ZNF358: variants seen among roughly 807,000 people sequenced by gnomAD.
ZNF358 encodes the protein zinc finger protein 358.
In ZNF358, 1 loss-of-function variant was observed where a neutral mutation model predicts 2.1. The observed-to-expected ratio is 0.49, with a 90% CI of 0.17 to 2.30. The LOEUF (loss-of-function observed/expected upper bound fraction) is 2.30. Among genes scored for constraint, ZNF358 ranks in the 30% most tolerant of loss-of-function variants. The pLI, the probability that ZNF358 is intolerant of heterozygous loss-of-function variation, is 0.26. For synonymous variants in ZNF358, 381 were observed against 359.7 expected (o/e 1.06, Z -0.67); for missense variants, 665 against 806.8 (o/e 0.82, Z 2.13).
rs765397135 is a variant in ZNF358 at position 7,520,383 on chromosome 19, G to C, written c.1141G>C (p.Gly381Arg). The C allele has an allele frequency of 5.6e-6, 9 of 1,612,156 alleles. No homozygotes were observed. In the Admixed American group the frequency reaches 1.0e-4, roughly 18 times the overall value. ...GERPYRCQLC[G>R]KAFGQASSLT... ...GCGTCCCTATCGCTGTCAGCTCTGC[G>C]GGAAGGCCTTCGGCCAGGCCTCCAG... Residue 381 changes from glycine to arginine, a missense_variant, in exon 2 of 2, where the codon GGG (glycine) becomes CGG (arginine). This residue lies in a region of ZNF358 where 210 missense variants were observed against 350.8 expected (regional missense o/e 0.60). Coordinates refer to ENST00000597229, the MANE Select transcript of ZNF358 (RefSeq NM_018083.5). This position sits in a 1 kb window ranked among gnomAD's most constrained non-coding sequence, Gnocchi z 6.0.
intron 1 of ZNF358, among the ~76,000 whole-genome samples, chr19:7,518,577 A>AAGAAAGAAAGAAAG (rs2022390238): frequency 6.9e-6 from 1 of 144,596 alleles, no homozygotes. Context: ...GAAAGAAAGA[A>AAGAAAGAAAGAAAG]AGAAAGAAAG....
rs2022452626 is a variant in ZNF358 at position 7,520,447 on chromosome 19, C to T, written c.1205C>T (p.Ala402Val). The change falls in exon 2 of 2, where the codon GCT becomes GTT. Residue 402 changes from alanine to valine, a missense_variant. This residue lies in a region of ZNF358 where 249 missense variants were observed against 227.6 expected (regional missense o/e 1.09). Coordinates refer to ENST00000597229, the MANE Select transcript of ZNF358 (RefSeq NM_018083.5). The surrounding 1 kb of genome is among the most constrained non-coding windows in gnomAD (Gnocchi z 6.0). ...KHKRVHEGAA[A>V]AAAAAAAAAA... ...AAACGGGTGCATGAGGGTGCAGCCGCTGCTGCAGCTGCCGCGGCCGCTGCA... is the reference window on the plus strand; with the variant it reads ...AAACGGGTGCATGAGGGTGCAGCCGTTGCTGCAGCTGCCGCGGCCGCTGCA... 7.0e-7 allele frequency: 1 copy of T among 1,437,154 alleles called. No individual in the cohort carries two copies. The highest frequency in any genetic ancestry group is 9.2e-7 in the Non-Finnish European group (1 of 1,082,714). 89.0% of individuals were successfully genotyped at this position (1,437,154 alleles called of 1,614,324 possible).
rs574371992 is a variant in ZNF358 at position 7,519,479 on chromosome 19, C to T, written c.237C>T (p.Gly79=). 1.3e-5 allele frequency: 21 copies of T among 1,613,868 alleles called. No homozygotes were observed. The highest frequency in any genetic ancestry group is 3.4e-6 in the Non-Finnish European group (4 of 1,180,018). The part of the protein sequence containing the change: ...EDLDPDAEAP[G]SEPQDPDPMS... The stretch of plus-strand genomic sequence containing the variant: ...TGGACCCCGACGCCGAAGCTCCGGG[C>T]TCGGAACCCCAAGATCCCGACCCCA... Residue 79 remains glycine (G), a synonymous_variant, in exon 2 of 2, where the codon GGC becomes GGT. Transcript: ENST00000597229.
In ZNF358 at chr19:7,519,424, A is replaced by C; in HGVS notation, c.182A>C (p.Tyr61Ser). The stretch of plus-strand genomic sequence containing the variant: ...GTCCCGGAAGACGTGGACCCCAGCT[A>C]TGAAGATCTGGAGCCCGTCTCGGAG... ...NTVPEDVDPS[Y>S]EDLEPVSEDL... Residue 61 changes from tyrosine (Y) to serine (S), a missense_variant, in exon 2 of 2, where the codon TAT (tyrosine) becomes TCT (serine). Tyr to Ser is a moderately radical substitution (Grantham distance 144). Transcript: ENST00000597229. 6.2e-7 allele frequency: 1 copy of C among 1,613,922 alleles called. No individual in the cohort carries two copies. The highest frequency in any genetic ancestry group is 8.5e-7 in the Non-Finnish European group (1 of 1,179,960).
chr19:7,519,725 C>T lies in ZNF358; in HGVS notation c.483C>T (p.Arg161=). 6.4e-7 allele frequency: 1 copy of T among 1,564,652 alleles called. No individual in the cohort carries two copies. Among genetic ancestry groups the T allele is most frequent in the Non-Finnish European group, 8.6e-7 (1 of 1,162,814 alleles). The stretch of plus-strand genomic sequence containing the variant: ...GCCCGGATTGCGGGCGAGCCTTCCG[C>T]CGCAGCTCCGGGCTGAGCCAGCATC... ...FSCPDCGRAF[R]RSSGLSQHRR... is the part of the protein sequence containing the mutation. Residue 161 remains arginine, a synonymous_variant, in exon 2 of 2, where the codon CGC becomes CGT. Coordinates refer to ENST00000597229, the MANE Select transcript of ZNF358 (RefSeq NM_018083.5).
intron 1 of ZNF358, 51 bp from the exon 2 acceptor site, chr19:7,519,154 C>G: frequency 6.6e-7 from 1 of 1,517,266 alleles, no homozygotes. Flanking sequence ...AAAGACACCC[C>G]CGCTCCCACA....
At chr19:7,519,064 CAAAAAAAAAAAA>C (rs397859220) in intron 1 of ZNF358, 129 bp from the exon 2 acceptor site, 6 of 577,522 alleles carry the variant, frequency 1.0e-5, no homozygotes, top group Non-Finnish European at 1.4e-5. Context: ...GACCCCATCT[CAAAAAAAAAAAA>C]AAAAAAAAAA....
rs763706118 is a variant in ZNF358 at position 7,520,601 on chromosome 19, C to T, written c.1359C>T (p.Ser453=). ...VSVLGSGLGL[S]PGTSSGRNPD... ...TGCTCGGCTCTGGCTTGGGCCTCAG[C>T]CCTGGCACCAGCTCTGGCCGCAACC... The change falls in exon 2 of 2, where the codon AGC becomes AGT. Residue 453 remains serine (S), a synonymous_variant. Transcript: ENST00000597229. This position sits in a 1 kb window ranked among gnomAD's most constrained non-coding sequence, Gnocchi z 6.0. The T allele has an allele frequency of 1.4e-6, 2 of 1,438,136 alleles. No homozygotes were observed. Among genetic ancestry groups the T allele is most frequent in the South Asian group, 2.4e-5 (2 of 82,344 alleles). The allele number at this position is 1,438,136 out of a possible 1,614,324, so 89.1% of individuals were successfully genotyped here. A position where few individuals can be genotyped will look rare whatever the true frequency, so the allele number is the denominator to read the frequency against.
Position 7,520,751 on chromosome 19 carries a change from T to A in ZNF358, c.1509T>A (p.Gly503=). 1 of 1,613,980 alleles carries A rather than the reference T, an allele frequency of 6.2e-7. No individual in the cohort carries two copies. Among genetic ancestry groups the A allele is most frequent in the Non-Finnish European group, 8.5e-7 (1 of 1,179,996 alleles). The stretch of plus-strand genomic sequence containing the variant: ...ACCCAAAGGCTGGGCACGACGCTGG[T>A]CCCGACCTTGTGCCCAGCCCAGACC... ...SSDPKAGHDA[G]PDLVPSPDLD... The change falls in exon 2 of 2, where the codon GGT becomes GGA. Residue 503 remains glycine, a synonymous_variant. Transcript: ENST00000597229. This position sits in a 1 kb window ranked among gnomAD's most constrained non-coding sequence, Gnocchi z 6.0.
At chr19:7,517,852 T>C (rs1042260372) in intron 1 of ZNF358, among the ~76,000 whole-genome samples, 20 of 151,748 alleles carry the variant, frequency 1.3e-4, no homozygotes, top group African/African-American at 4.4e-4. Context: ...ATACCTGATG[T>C]TATTTGTTCC....
intron 1 of ZNF358, 77 bp from the exon 2 acceptor site, chr19:7,519,128 C>G (rs763912949): frequency 2.0e-4 from 295 of 1,486,400 alleles, no homozygotes; most frequent in Non-Finnish European, 2.4e-4. Context: ...CGTCTCTCAT[C>G]CCTAACCAGA....
intron 1 of ZNF358, among the ~76,000 whole-genome samples, chr19:7,518,545 A>AAGAAAGAG (rs1555740108): frequency 3.3e-4 from 36 of 109,452 alleles, no homozygotes; most frequent in African/African-American, 1.2e-3. Context: ...GAAAGAAAGA[A>AAGAAAGAG]AGAGAGAGAG....
At position 7,519,884 on chromosome 19, in the gene ZNF358, G is replaced by A; in HGVS notation, c.642G>A (p.Lys214=). 6.5e-7 allele frequency: 1 copy of A among 1,530,400 alleles called. No homozygotes were observed. The highest frequency in any genetic ancestry group is 2.5e-5 in the East Asian group (1 of 40,622). The allele number at this position is 1,530,400 out of a possible 1,614,324, so 94.8% of individuals were successfully genotyped here. ...CGTACCAGTGCGCGGCCTGCGGCAA[G>A]GCCTTCGGCTGGCGCTCCACGCTGC... is the stretch of plus-strand genomic sequence containing the variant. ...ARPYQCAACG[K]AFGWRSTLLK... is the part of the protein sequence containing the mutation. Residue 214 remains lysine, a synonymous_variant, in exon 2 of 2, where the codon AAG becomes AAA. Transcript: ENST00000597229.
rs2022479842 is a variant in ZNF358 at position 7,520,959 on chromosome 19, CGGCATCCTCGGG to C, written c.*14_*25del. Reference sequence around the variant, plus strand: ...GGGGCCTGATGGCTGAAGGAGACGCCGGCATCCTCGGGGGCCTGGGGAAGTTGTGTGTTGTGC... The same window carrying C: ...GGGGCCTGATGGCTGAAGGAGACGCCGGCCTGGGGAAGTTGTGTGTTGTGC... On this transcript the variant is annotated 3_prime_UTR_variant, in exon 2 of 2. Coordinates refer to ENST00000597229, the MANE Select transcript of ZNF358 (RefSeq NM_018083.5). This position sits in a 1 kb window ranked among gnomAD's most constrained non-coding sequence, Gnocchi z 6.0. 6.2e-7 allele frequency: 1 copy of C among 1,609,356 alleles called. No homozygotes were observed. Among genetic ancestry groups the C allele is most frequent in the African/African-American group, 1.3e-5 (1 of 74,858 alleles).
rs1214676315 is a variant in ZNF358, at chr19:7,519,547, T to C, written c.305T>C (p.Val102Ala). The change falls in exon 2 of 2, where the codon GTA becomes GCA. Residue 102 changes from valine to alanine, a missense_variant. This residue lies in a region of ZNF358 where 206 missense variants were observed against 228.4 expected (regional missense o/e 0.90). Coordinates refer to ENST00000597229, the MANE Select transcript of ZNF358 (RefSeq NM_018083.5). The stretch of plus-strand genomic sequence containing the variant: ...CTCGATCCAGATGTGATTGGCCCCG[T>C]ACCCCTGATTCTCGATCCTAACAGC... Reference protein sequence around the residue: ...FDLDPDVIGPVPLILDPNSDT... With the variant: ...FDLDPDVIGPAPLILDPNSDT... 5.6e-6 allele frequency: 9 copies of C among 1,605,122 alleles called. No individual in the cohort carries two copies. The highest frequency in any genetic ancestry group is 1.3e-5 in the African/African-American group (1 of 74,828).
chr19:7,515,892 G>A (rs537108927), upstream of ZNF358, among the ~76,000 whole-genome samples: 1 of 152,166 alleles, frequency 6.6e-6, no homozygotes, highest in African/African-American at 2.4e-5. Context: ...GGGCCACAGA[G>A]GGACTGAGAC....
rs1291327809 is a variant in ZNF358, at chr19:7,516,177, G to C, written c.-111G>C. 1 of 143,662 alleles carries C rather than the reference G, an allele frequency of 7.0e-6. No homozygotes were observed. 8.9% of individuals were successfully genotyped at this position (143,662 alleles called of 1,614,324 possible). On this transcript the variant is annotated 5_prime_UTR_variant, in exon 1 of 2. Coordinates refer to ENST00000597229, the MANE Select transcript of ZNF358 (RefSeq NM_018083.5). This position sits in a 1 kb window ranked among gnomAD's most constrained non-coding sequence, Gnocchi z 5.9. ...CGCCGGCGGGGCTGGCGGGCGGGGGGCTTCCTGCGGGCCCGGGGGGAGCCG... is the reference window on the plus strand; with the variant it reads ...CGCCGGCGGGGCTGGCGGGCGGGGGCCTTCCTGCGGGCCCGGGGGGAGCCG...
Position 7,520,863 on chromosome 19 carries a change from C to A in ZNF358, c.1621C>A (p.Arg541Ser), listed in dbSNP as rs1190991609. 1 of 1,614,132 alleles carries A rather than the reference C, an allele frequency of 6.2e-7. No individual in the cohort carries two copies. The highest frequency in any genetic ancestry group is 1.1e-5 in the South Asian group (1 of 91,074). The change falls in exon 2 of 2, where the codon CGT becomes AGT. Residue 541 changes from arginine (R) to serine (S), a missense_variant. Transcript: ENST00000597229. This position sits in a 1 kb window ranked among gnomAD's most constrained non-coding sequence, Gnocchi z 6.0. ...CTGCCCTGACCCCTGTTCTCCCACTCGTGGCACTGTCAGCCCAGCCCTCCC... is the reference window on the plus strand; with the variant it reads ...CTGCCCTGACCCCTGTTCTCCCACTAGTGGCACTGTCAGCCCAGCCCTCCC... ...VSCPDPCSPT[R>S]GTVSPALPTG...
In ZNF358 at chr19:7,520,741, A is replaced by G. The variant is rs1204261870; in HGVS notation, c.1499A>G (p.His500Arg). The G allele has an allele frequency of 3.1e-6, 5 of 1,613,898 alleles. No individual in the cohort carries two copies. Among genetic ancestry groups the G allele is most frequent in the Non-Finnish European group, 4.2e-6 (5 of 1,179,986 alleles). Reference protein sequence around the residue: ...PVESSDPKAGHDAGPDLVPSP... With the variant: ...PVESSDPKAGRDAGPDLVPSP... Reference sequence around the variant, plus strand: ...GAATCTTCTGACCCAAAGGCTGGGCACGACGCTGGTCCCGACCTTGTGCCC... The same window carrying G: ...GAATCTTCTGACCCAAAGGCTGGGCGCGACGCTGGTCCCGACCTTGTGCCC... The change falls in exon 2 of 2, where the codon CAC (histidine) becomes CGC (arginine). Residue 500 changes from histidine (H) to arginine (R), a missense_variant. His to Arg is a conservative substitution (Grantham distance 29, BLOSUM62 0). This residue lies in a region of ZNF358 where 249 missense variants were observed against 227.6 expected (regional missense o/e 1.09). Transcript: ENST00000597229. The surrounding 1 kb of genome is among the most constrained non-coding windows in gnomAD (Gnocchi z 6.0).
Sources: gnomAD v4.1 joint callset for allele counts (sites outside exome capture counted in the v4.1 genomes callset) on GRCh38, gnomAD v4.1.1 for gene constraint, gnomAD v4.1.1 regional missense constraint, Gnocchi (gnomAD v3.1) non-coding constraint, MANE v1.5 for transcripts, NCBI Gene and HGNC (gene_info 2026-07-23, HGNC 2026-07-21) for gene names.